FLI1: variants seen among roughly 807,000 people sequenced by gnomAD.
The protein encoded by FLI1 is Fli-1 proto-oncogene, ETS transcription factor.
In FLI1, 13 loss-of-function variants were observed where a neutral mutation model predicts 53.1. The ratio of observed to expected loss-of-function variants is 0.24; its 90% CI spans 0.16 to 0.39. The LOEUF is 0.39. Among genes scored for constraint, FLI1 ranks in the 10% least tolerant of loss-of-function variants. The pLI is 1.00. For missense variants in FLI1, 424 were observed against 600.5 expected, an observed-to-expected ratio of 0.71 and a Z score of 3.07; for synonymous variants, 244 against 236.7, an observed-to-expected ratio of 1.03 and a Z score of -0.28.
At chr11:128,686,442 G>C (rs1014819713), upstream of FLI1, 4 of 456,156 alleles carry the variant, frequency 8.8e-6, no homozygotes, top group East Asian at 7.0e-5. Context: ...CTGAAGCCCG[G>C]GGACGGGACT....
intron 3 of FLI1, among the ~76,000 whole-genome samples, chr11:128,771,392 G>A (rs1941550712): frequency 6.6e-6 from 1 of 152,244 alleles, no homozygotes; most frequent in Non-Finnish European, 1.5e-5. Context: ...CTGCCACCCA[G>A]ATTCTCACAC....
chr11:128,791,761 A>G (rs1408774850), intron 5 of FLI1, among the ~76,000 whole-genome samples: 2 of 152,172 alleles, frequency 1.3e-5, no homozygotes, highest in Non-Finnish European at 2.9e-5. Context: ...AGCTGTGATC[A>G]GTCCCATCCC....
chr11:128,721,791 C>T (rs1468581929), intron 1 of FLI1, among the ~76,000 whole-genome samples: 3 of 152,224 alleles, frequency 2.0e-5, no homozygotes, highest in Non-Finnish European at 4.4e-5. Flanking sequence ...CTGAAGCTTG[C>T]CCGCTCCAGG....
At position 128,694,129 on chromosome 11, in the gene FLI1, C is replaced by A; in HGVS notation, c.-130C>A. ...CAGGGGAGTGAGGGCAGGGCGCTCG[C>A]AGGGGGCACGCAGGGAGGGCCCAGG... On this transcript the variant is annotated 5_prime_UTR_variant, in exon 1 of 9. Coordinates refer to ENST00000527786, the MANE Select transcript of FLI1 (RefSeq NM_002017.5). The A allele has an allele frequency of 1.1e-6, 1 of 943,896 alleles. No individual in the cohort carries two copies. Among genetic ancestry groups the A allele is most frequent in the Non-Finnish European group, 1.5e-6 (1 of 663,180 alleles). The allele number at this position is 943,896 out of a possible 1,614,324, so 58.5% of individuals were successfully genotyped here. A position where few individuals can be genotyped will look rare whatever the true frequency, so the allele number is the denominator to read the frequency against.
At chr11:128,748,268 C>T in intron 1 of FLI1, 1 of 984,134 alleles carries the variant, frequency 1.0e-6, no homozygotes, top group African/African-American at 1.7e-5. Context: ...CACTGCTGAG[C>T]CCCCTCCCCA....
intron 7 of FLI1, 128 bp from the exon 8 acceptor site, chr11:128,809,028 AG>A: frequency 1.5e-6 from 1 of 648,036 alleles, no homozygotes; most frequent in Non-Finnish European, 2.6e-6. Context: ...AAAGCAGTAA[AG>A]TTTTCTGAAA....
intron 1 of FLI1, among the ~76,000 whole-genome samples, chr11:128,697,384 A>G (rs1331957503): frequency 1.3e-5 from 2 of 152,224 alleles, no homozygotes; most frequent in African/African-American, 4.8e-5. Flanking sequence ...GTTCATTCTC[A>G]GCTCTGCTAC....
In FLI1 at chr11:128,739,966, A is replaced by T. The variant is rs60813708; in HGVS notation, c.19-18149A>T. 5.1e-3 allele frequency among the ~76,000 whole-genome samples: 781 copies of T among 152,350 alleles called. 7 individuals are homozygous for T. The highest frequency in any genetic ancestry group is 0.018 in the African/African-American group (734 of 41,576). On this transcript the variant is annotated intron_variant, in intron 1 of 8. Coordinates refer to ENST00000527786, the MANE Select transcript of FLI1 (RefSeq NM_002017.5). ...CGTCTGAGCCGCATCAGGCCTGGCC[A>T]GAGCCACTGGCAAGGTCTCTCATCC...
At chr11:128,765,992 A>G (rs1941326386) in intron 2 of FLI1, among the ~76,000 whole-genome samples, 1 of 152,192 alleles carries the variant, frequency 6.6e-6, no homozygotes, top group Non-Finnish European at 1.5e-5. Flanking sequence ...GTGTCCATGC[A>G]TGGGAGTAAG....
At chr11:128,722,868 G>GA (rs1939313454) in intron 1 of FLI1, among the ~76,000 whole-genome samples, 1 of 152,114 alleles carries the variant, frequency 6.6e-6, no homozygotes, top group Admixed American at 6.5e-5. Context: ...CAATCGGGAG[G>GA]AAAAATATCC....
intron 5 of FLI1, among the ~76,000 whole-genome samples, chr11:128,797,436 A>G (rs1942474043): frequency 1.3e-5 from 2 of 152,328 alleles, no homozygotes; most frequent in South Asian, 4.1e-4. Flanking sequence ...TTATGGAACT[A>G]TGTAGAGCTC....
intron 5 of FLI1, among the ~76,000 whole-genome samples, chr11:128,782,705 A>T (rs1941955928): frequency 6.6e-6 from 1 of 152,192 alleles, no homozygotes; most frequent in South Asian, 2.1e-4. Context: ...CTCAAAAAAA[A>T]TTTTAGCGAT....
At chr11:128,795,083 AAATATT>A (rs988484871) in intron 5 of FLI1, among the ~76,000 whole-genome samples, 24 of 152,354 alleles carry the variant, frequency 1.6e-4, no homozygotes, top group African/African-American at 5.8e-4. Context: ...TTCAAAATAA[AAATATT>A]AAACAGAGGC....
chr11:128,785,125 T>G (rs149545082), intron 5 of FLI1, among the ~76,000 whole-genome samples: 22 of 152,342 alleles, frequency 1.4e-4, no homozygotes, highest in African/African-American at 4.3e-4. Context: ...GAACAATCTT[T>G]AAGCCCCTTT....
At chr11:128,741,640 G>A (rs367724954) in intron 1 of FLI1, among the ~76,000 whole-genome samples, 17 of 152,336 alleles carry the variant, frequency 1.1e-4, no homozygotes, top group African/African-American at 3.8e-4. Context: ...CTGCAGAGGA[G>A]GGGATAAAAG....
chr11:128,753,513 A>G (rs1345655531), intron 1 of FLI1, among the ~76,000 whole-genome samples: 4 of 152,234 alleles, frequency 2.6e-5, no homozygotes, highest in Non-Finnish European at 5.9e-5. Flanking sequence ...CCAGCCTATC[A>G]CCTCAGTTAA....
At chr11:128,765,066 G>A (rs1462187874) in intron 2 of FLI1, among the ~76,000 whole-genome samples, 1 of 152,046 alleles carries the variant, frequency 6.6e-6, no homozygotes, top group Non-Finnish European at 1.5e-5. Context: ...AGGGAGAGAG[G>A]AGGAGGGAAG....
intron 1 of FLI1, among the ~76,000 whole-genome samples, chr11:128,757,085 T>TTTCTTTCC (rs1565484352): frequency 6.7e-6 from 1 of 149,548 alleles, no homozygotes; most frequent in Non-Finnish European, 1.5e-5. Context: ...TCTTTCTTTC[T>TTTCTTTCC]TTCTTTCTTT....
intron 1 of FLI1, among the ~76,000 whole-genome samples, chr11:128,710,694 T>G (rs1349584154): frequency 6.6e-6 from 1 of 152,230 alleles, no homozygotes; most frequent in Non-Finnish European, 1.5e-5. Flanking sequence ...CTTTGTGATG[T>G]TGGATTGTAT....
Sources: gnomAD v4.1 joint callset for allele counts (sites outside exome capture counted in the v4.1 genomes callset) on GRCh38, gnomAD v4.1.1 for gene constraint, MANE v1.5 for transcripts, NCBI Gene and HGNC (gene_info 2026-07-23, HGNC 2026-07-21) for gene names.